Variants in COBL observed in about 807,000 individuals in gnomAD.
The protein encoded by COBL is protein cordon-bleu.
A neutral mutation model predicts 98.8 loss-of-function variants in COBL; 51 were observed. That is an observed-to-expected ratio of 0.52 (90% CI 0.41 to 0.65). COBL has a LOEUF of 0.65. Ranked by LOEUF, COBL falls within the 30% of genes least tolerant of loss-of-function variation. The probability of loss-of-function intolerance (pLI) is 0.00; values close to 1 mark genes in which losing one functional copy is unlikely to be tolerated. For missense variants in COBL, 1,617 were observed against 1,617.5 expected (o/e 1.00, Z 0.01); for synonymous variants, 634 against 651.7 (o/e 0.97, Z 0.41).
At chr7:51,131,092 A>G in intron 6 of COBL, among the ~76,000 whole-genome samples, 1 of 152,204 alleles carries the variant, frequency 6.6e-6, no homozygotes. Flanking sequence ...ACTTATTTTA[A>G]TGGCCAACCA....
At chr7:51,073,033 A>C in intron 7 of COBL, 1 of 238,166 alleles carries the variant, frequency 4.2e-6, no homozygotes, top group Non-Finnish European at 8.0e-6. Context: ...CAATAAGAAA[A>C]ACATGAATTA....
chr7:51,067,541 T>C (rs920988560), intron 7 of COBL, among the ~76,000 whole-genome samples: 4 of 152,208 alleles, frequency 2.6e-5, no homozygotes, highest in African/African-American at 9.6e-5. Flanking sequence ...CACATGTATG[T>C]GTGCATGTAT....
intron 7 of COBL, chr7:51,082,945 A>G (rs1793813447): frequency 1.1e-6 from 1 of 940,724 alleles, no homozygotes; most frequent in African/African-American, 1.6e-5. Flanking sequence ...CTGAGAAGGA[A>G]AGGCACACAC....
At chr7:51,295,321 G>A (rs1460592421) in intron 1 of COBL, among the ~76,000 whole-genome samples, 3 of 149,902 alleles carry the variant, frequency 2.0e-5, no homozygotes, top group Non-Finnish European at 4.4e-5. Flanking sequence ...CAGGTTAGTA[G>A]GTGTAGCAAA....
At chr7:51,017,931 G>A (rs1473646210) in intron 12 of COBL, among the ~76,000 whole-genome samples, 9 of 152,184 alleles carry the variant, frequency 5.9e-5, no homozygotes, top group East Asian at 5.8e-4. Context: ...TGAGAGGATC[G>A]TGACTAACAT....
intron 1 of COBL, among the ~76,000 whole-genome samples, chr7:51,304,377 G>C (rs532410679): frequency 3.9e-5 from 6 of 152,230 alleles, no homozygotes; most frequent in African/African-American, 1.4e-4. Flanking sequence ...CTTCCTCATC[G>C]GTGTGACCCA....
chr7:51,135,920 G>A (rs1316965190), intron 6 of COBL, among the ~76,000 whole-genome samples: 2 of 152,216 alleles, frequency 1.3e-5, no homozygotes, highest in African/African-American at 2.4e-5. Context: ...TGGGGAGCAG[G>A]ACTGGGCTGC....
intron 5 of COBL, among the ~76,000 whole-genome samples, chr7:51,157,146 G>A (rs556907825): frequency 2.6e-5 from 4 of 152,258 alleles, no homozygotes; most frequent in Non-Finnish European, 5.9e-5. Context: ...CGAGGCAGGC[G>A]GATCACTTAA....
chr7:51,217,332 T>C (rs2129084706), intron 2 of COBL, among the ~76,000 whole-genome samples: 1 of 149,560 alleles, frequency 6.7e-6, no homozygotes, highest in South Asian at 2.1e-4. Flanking sequence ...CCATTTTCTT[T>C]TCTTTTTCTT....
intron 1 of COBL, among the ~76,000 whole-genome samples, chr7:51,284,811 AG>A (rs1227359218): frequency 6.6e-6 from 1 of 151,432 alleles, no homozygotes; most frequent in Non-Finnish European, 1.5e-5. Flanking sequence ...TGGGCAACAA[AG>A]CAAGACTCCG....
At chr7:51,084,665 A>G (rs1211072658) in intron 7 of COBL, among the ~76,000 whole-genome samples, 2 of 152,116 alleles carry the variant, frequency 1.3e-5, no homozygotes, top group African/African-American at 4.8e-5. Flanking sequence ...TCCCTCAAAG[A>G]AAATCAGGGT....
intron 5 of COBL, among the ~76,000 whole-genome samples, chr7:51,155,866 G>A (rs543545985): frequency 6.6e-5 from 10 of 152,130 alleles, no homozygotes; most frequent in African/African-American, 1.9e-4. Context: ...TGGTTCTTAC[G>A]GAAGGGAGCC....
intron 1 of COBL, among the ~76,000 whole-genome samples, chr7:51,239,140 G>A (rs757075533): frequency 2.6e-5 from 4 of 152,144 alleles, no homozygotes; most frequent in Non-Finnish European, 5.9e-5. Context: ...TACTGTCAGA[G>A]GCATCTGACC....
chr7:51,257,788 A>G (rs2129144170), intron 1 of COBL, among the ~76,000 whole-genome samples: 1 of 152,294 alleles, frequency 6.6e-6, no homozygotes, highest in East Asian at 1.9e-4. Context: ...CCATTTTAAT[A>G]TTTAGTAAAA....
rs569802378 is a variant in COBL at position 51,109,816 on chromosome 7, T to C, written c.958-24512A>G. Among the ~76,000 whole-genome samples, 4 of 152,272 alleles carry C rather than the reference T, an allele frequency of 2.6e-5. 1 individual carries two copies. In the South Asian group the frequency reaches 6.2e-4, roughly 24 times the overall value. ...GAAAGAAACCACTGCATCATGTTAGTAGTGCCACCTTCCACAGAAACGAAA... is the reference window on the plus strand; with the variant it reads ...GAAAGAAACCACTGCATCATGTTAGCAGTGCCACCTTCCACAGAAACGAAA... On this transcript the variant is annotated intron_variant, in intron 6 of 12. Coordinates refer to ENST00000265136, the MANE Select transcript of COBL (RefSeq NM_015198.5).
At position 51,224,511 on chromosome 7, in the gene COBL, A is replaced by G. The variant is rs951663762; in HGVS notation, c.42-4567T>C. On this transcript the variant is annotated intron_variant, in intron 1 of 12. Coordinates refer to ENST00000265136, the MANE Select transcript of COBL (RefSeq NM_015198.5). ...TCTTAAAGATGAGCAGAAATTTCAT[A>G]TATGAGAAAAAGAGACAAAGCCTGG... Among the ~76,000 whole-genome samples the G allele has an allele frequency of 1.2e-4, 19 of 152,096 alleles. No homozygotes were observed. The East Asian group carries it at 2.3e-3, about 19-fold the overall frequency.
intron 5 of COBL, among the ~76,000 whole-genome samples, chr7:51,143,936 C>T (rs1784790687): frequency 6.6e-6 from 1 of 152,162 alleles, no homozygotes; most frequent in Non-Finnish European, 1.5e-5. Flanking sequence ...AAGGGACTTA[C>T]CATTCATCAC....
intron 1 of COBL, among the ~76,000 whole-genome samples, chr7:51,299,947 G>A (rs1007366146): frequency 2.0e-5 from 3 of 152,150 alleles, no homozygotes; most frequent in African/African-American, 4.8e-5. Context: ...CTCACTCCTA[G>A]TGGTGCACTC....
intron 9 of COBL, among the ~76,000 whole-genome samples, chr7:51,030,074 G>A (rs1787997960): frequency 6.6e-6 from 1 of 152,132 alleles, no homozygotes; most frequent in African/African-American, 2.4e-5. Flanking sequence ...ATTATGCAAT[G>A]GTCATGGGGT....
Sources: allele counts gnomAD v4.1 joint callset (sites outside exome capture counted in the v4.1 genomes callset), GRCh38; gene constraint gnomAD v4.1.1; transcripts MANE v1.5; gene names NCBI Gene and HGNC (gene_info 2026-07-23, HGNC 2026-07-21).